Variants in CDH13 observed in about 807,000 individuals in gnomAD.
CDH13 encodes the protein cadherin 13.
CDH13 carries 24 observed loss-of-function variants against 63.8 expected under a neutral mutation model. That is an observed-to-expected ratio of 0.38 (90% CI 0.27 to 0.53). The LOEUF (loss-of-function observed/expected upper bound fraction) is 0.53. Ranked by LOEUF, CDH13 falls within the 20% of genes least tolerant of loss-of-function variation. The probability of loss-of-function intolerance (pLI) is 0.85; values close to 1 mark genes in which losing one functional copy is unlikely to be tolerated. For synonymous variants in CDH13, 503 were observed against 355.3 expected (o/e 1.42, Z -4.67); for missense variants, 1,049 against 903.1 (o/e 1.16, Z -2.07).
chr16:82,668,766 T>C (rs1458114009), intron 1 of CDH13, among the ~76,000 whole-genome samples: 1 of 152,186 alleles, frequency 6.6e-6, no homozygotes, highest in Non-Finnish European at 1.5e-5. Context: ...CTCTAAGTTG[T>C]GTCACAGCCC....
intron 4 of CDH13, among the ~76,000 whole-genome samples, chr16:83,129,078 C>T (rs1461944429): frequency 6.6e-6 from 1 of 152,046 alleles, no homozygotes; most frequent in Non-Finnish European, 1.5e-5. Flanking sequence ...TTTATATCTC[C>T]TGTCTTATCC....
intron 10 of CDH13, among the ~76,000 whole-genome samples, chr16:83,715,446 G>A (rs1324399361): frequency 1.3e-5 from 2 of 152,198 alleles, no homozygotes; most frequent in Non-Finnish European, 2.9e-5. Flanking sequence ...ACTGGCTGCG[G>A]TAAGGGAGCC....
chr16:82,944,694 G>A (rs1389708608), intron 2 of CDH13, among the ~76,000 whole-genome samples: 3 of 152,100 alleles, frequency 2.0e-5, no homozygotes, highest in African/African-American at 7.2e-5. Context: ...CTGGGTACCT[G>A]CCCATTACTG....
intron 1 of CDH13, among the ~76,000 whole-genome samples, chr16:82,725,294 T>C (rs1328884817): frequency 1.3e-5 from 2 of 152,206 alleles, no homozygotes; most frequent in Non-Finnish European, 2.9e-5. Flanking sequence ...TTGTCCCAGC[T>C]CTATCACCAA....
At chr16:83,224,751 GTT>G (rs746949893) in intron 5 of CDH13, among the ~76,000 whole-genome samples, 20 of 152,154 alleles carry the variant, frequency 1.3e-4, no homozygotes, top group Non-Finnish European at 2.6e-4. Context: ...CTCAGCCTCT[GTT>G]TTCTCATTTT....
chr16:83,757,003 C>G (rs1263451579), intron 11 of CDH13, among the ~76,000 whole-genome samples: 2 of 152,182 alleles, frequency 1.3e-5, no homozygotes, highest in African/African-American at 4.8e-5. Context: ...AGGAAAATTA[C>G]CTAAATTGTT....
At chr16:83,458,205 C>G (rs913491201) in intron 6 of CDH13, among the ~76,000 whole-genome samples, 1 of 152,208 alleles carries the variant, frequency 6.6e-6, no homozygotes, top group Non-Finnish European at 1.5e-5. Flanking sequence ...GGCTCCAACT[C>G]AAGATCTGCT....
intron 11 of CDH13, among the ~76,000 whole-genome samples, chr16:83,753,537 C>G (rs947019537): frequency 2.0e-5 from 3 of 151,934 alleles, no homozygotes; most frequent in African/African-American, 4.8e-5. Context: ...CAGAATGAGA[C>G]CCCGTCTCAA....
chr16:83,105,694 T>C (rs768261303), intron 3 of CDH13, among the ~76,000 whole-genome samples: 1 of 152,028 alleles, frequency 6.6e-6, no homozygotes, highest in Non-Finnish European at 1.5e-5. Flanking sequence ...TGCATGGTAA[T>C]GGGACCTGGC....
intron 7 of CDH13, among the ~76,000 whole-genome samples, chr16:83,511,259 T>C (rs2074557403): frequency 6.6e-6 from 1 of 152,112 alleles, no homozygotes; most frequent in African/African-American, 2.4e-5. Context: ...ATCAGGAGTT[T>C]TAGACCAGCC....
chr16:83,168,125 A>G (rs2037763491), intron 4 of CDH13, among the ~76,000 whole-genome samples: 1 of 152,000 alleles, frequency 6.6e-6, no homozygotes, highest in Non-Finnish European at 1.5e-5. Flanking sequence ...GACCAATGAT[A>G]CTCAAACCTC....
intron 1 of CDH13, among the ~76,000 whole-genome samples, chr16:82,818,057 C>A (rs961378366): frequency 2.0e-5 from 3 of 151,986 alleles, no homozygotes; most frequent in Non-Finnish European, 4.4e-5. Context: ...ACATACATGA[C>A]TATACGCACA....
intron 1 of CDH13, chr16:82,705,127 T>C (rs1271270659): frequency 2.9e-5 from 13 of 455,860 alleles, no homozygotes; most frequent in South Asian, 7.7e-5. Flanking sequence ...AAGCCCGAGA[T>C]AGTAACAGTC....
At chr16:82,705,252 C>G (rs2031395384) in intron 1 of CDH13, 1 of 438,324 alleles carries the variant, frequency 2.3e-6, no homozygotes, top group Non-Finnish European at 4.5e-6. Flanking sequence ...TGCGGCTGCA[C>G]TTCAAGAGAC....
Position 82,911,933 on chromosome 16 carries a change from C to A in CDH13, c.157+53460C>A, listed in dbSNP as rs574683112. 8.5e-5 allele frequency among the ~76,000 whole-genome samples: 13 copies of A among 152,174 alleles called. No individual in the cohort carries two copies. The South Asian group carries it at 2.7e-3, about 32-fold the overall frequency. On this transcript the variant is annotated intron_variant, in intron 2 of 13. Transcript: ENST00000567109. ...TCTGGACCTCCCACACCTTGTTGAA[C>A]CACCCGGCACTTGCTGACTCCTCTC...
At chr16:83,292,084 C>T (rs1351311086) in intron 5 of CDH13, among the ~76,000 whole-genome samples, 2 of 152,142 alleles carry the variant, frequency 1.3e-5, no homozygotes, top group African/African-American at 2.4e-5. Context: ...GTTCAGAAAG[C>T]ACTAATTTAA....
intron 3 of CDH13, among the ~76,000 whole-genome samples, chr16:83,115,258 A>G (rs1489529619): frequency 6.6e-6 from 1 of 152,228 alleles, no homozygotes; most frequent in African/African-American, 2.4e-5. Flanking sequence ...AACTTCAGGA[A>G]AACAGCCATG....
At chr16:83,756,841 G>T (rs775879919) in intron 11 of CDH13, among the ~76,000 whole-genome samples, 1 of 152,040 alleles carries the variant, frequency 6.6e-6, no homozygotes, top group Non-Finnish European at 1.5e-5. Context: ...AATCATTGTG[G>T]GAGTCTTAAA....
intron 4 of CDH13, among the ~76,000 whole-genome samples, chr16:83,129,974 C>G (rs1484180309): frequency 6.6e-6 from 1 of 152,168 alleles, no homozygotes; most frequent in Non-Finnish European, 1.5e-5. Context: ...TCTCTCTCTC[C>G]ATTAATAAGT....
Sources: gnomAD v4.1 joint callset for allele counts (sites outside exome capture counted in the v4.1 genomes callset) on GRCh38, gnomAD v4.1.1 for gene constraint, MANE v1.5 for transcripts, NCBI Gene and HGNC (gene_info 2026-07-23, HGNC 2026-07-21) for gene names.